The following SLC25A41 variants were observed in gnomAD, a reference collection of about 807,000 sequenced individuals.
The protein encoded by SLC25A41 is solute carrier family 25 member 41.
In SLC25A41, 35 loss-of-function variants were observed where a neutral mutation model predicts 34.7. That is an observed-to-expected ratio of 1.01 (90% CI 0.77 to 1.34). SLC25A41 has a LOEUF of 1.34. Among genes scored for constraint, SLC25A41 ranks in the 40% most tolerant of loss-of-function variants. The pLI, the probability that SLC25A41 is intolerant of heterozygous loss-of-function variation, is 0.00. For missense variants in SLC25A41, 492 were observed against 489.8 expected (o/e 1.00, Z -0.04); for synonymous variants, 190 against 209.9 (o/e 0.91, Z 0.82).
At chr19:6,432,466 A>C (rs976628497) in intron 1 of SLC25A41, among the ~76,000 whole-genome samples, 3 of 139,302 alleles carry the variant, frequency 2.2e-5, no homozygotes, top group Non-Finnish European at 3.0e-5. Context: ...ATGCACCACA[A>C]CACCTAATTT....
At chr19:6,429,481 AGGGGAG>A (rs2092273238) in intron 4 of SLC25A41, among the ~76,000 whole-genome samples, 8 of 14,722 alleles carry the variant, frequency 5.4e-4, no homozygotes, top group Non-Finnish European at 8.9e-4. Context: ...AGGAAAGAGG[AGGGGAG>A]GAGGAGGGAG....
upstream of SLC25A41, among the ~76,000 whole-genome samples, chr19:6,434,238 C>T (rs112031594): frequency 3.4e-3 from 514 of 152,240 alleles, 1 homozygote; most frequent in African/African-American, 0.012. Flanking sequence ...CCACTGCTTC[C>T]GGCCGCAAAA....
intron 4 of SLC25A41, among the ~76,000 whole-genome samples, chr19:6,429,348 AGAGGAGGGAGAAAGGAGGAGGGAGAAAG>A: frequency 8.9e-5 from 1 of 11,188 alleles, no homozygotes; most frequent in Non-Finnish European, 2.3e-4. Flanking sequence ...GGGAAGAGGG[AGAGGAGGGAGAAAGGAGGAGGGAGAAAG>A]GAAAGGAAGA....
intron 1 of SLC25A41, 73 bp downstream of exon 1, chr19:6,433,413 AG>A: frequency 6.9e-7 from 1 of 1,453,326 alleles, no homozygotes. Context: ...GGGCCTGTAG[AG>A]GGCGTGGGTA....
chr19:6,433,606 G>A lies in SLC25A41; in HGVS notation c.88C>T (p.Pro30Ser). 6.2e-7 allele frequency: 1 copy of A among 1,612,562 alleles called. No individual in the cohort carries two copies. ...GGAGGCGGAGGTTGGGGGGGAGGCG[G>A]GGCTTTGATGAGTAAGGTCTTGACC... ...RRVKTLLIKA[P>S]PPPQPPPPPP... The change falls in exon 1 of 7, where the codon CCG becomes TCG. Residue 30 changes from proline (P) to serine (S), a missense_variant. Transcript: ENST00000321510.
intron 1 of SLC25A41, among the ~76,000 whole-genome samples, 179 bp downstream of exon 1, chr19:6,433,308 C>T (rs1352719139): frequency 6.6e-6 from 1 of 152,154 alleles, no homozygotes; most frequent in Non-Finnish European, 1.5e-5. Flanking sequence ...CTCAACCTCC[C>T]AAAGTGCTGG....
upstream of SLC25A41, among the ~76,000 whole-genome samples, chr19:6,434,435 A>G (rs151219380): frequency 1.3e-3 from 199 of 152,312 alleles, no homozygotes; most frequent in African/African-American, 4.7e-3. Context: ...GCAAGAAGGC[A>G]TGGCAGGAAG....
At position 6,433,710 on chromosome 19, in the gene SLC25A41, C is replaced by A; in HGVS notation, c.-17G>T. The A allele has an allele frequency of 6.6e-7, 1 of 1,523,942 alleles. No homozygotes were observed. Among genetic ancestry groups the A allele is most frequent in the Non-Finnish European group, 8.8e-7 (1 of 1,131,614 alleles). 94.4% of individuals were successfully genotyped at this position (1,523,942 alleles called of 1,614,324 possible). A position where few individuals can be genotyped will look rare whatever the true frequency, so the allele number is the denominator to read the frequency against. Reference sequence around the variant, plus strand: ...AGCGCCCATGGAGGAAGTTAGGACACCTGGCTTCAAATCCCTAAGCAGTTG... The same window carrying A: ...AGCGCCCATGGAGGAAGTTAGGACAACTGGCTTCAAATCCCTAAGCAGTTG... On this transcript the variant is annotated 5_prime_UTR_variant, in exon 1 of 7. Coordinates refer to ENST00000321510, the MANE Select transcript of SLC25A41 (RefSeq NM_173637.4).
chr19:6,435,288 TC>T (rs1057266094), upstream of SLC25A41, among the ~76,000 whole-genome samples: 3 of 150,064 alleles, frequency 2.0e-5, no homozygotes, highest in African/African-American at 7.4e-5. Flanking sequence ...GGAAATGGTC[TC>T]ACTCTGTCAC....
At chr19:6,429,109 A>C (rs1198411161) in intron 4 of SLC25A41, among the ~76,000 whole-genome samples, 1 of 35,610 alleles carries the variant, frequency 2.8e-5, no homozygotes, top group African/African-American at 1.2e-4. Flanking sequence ...ATATATATAT[A>C]ATATATATAT....
At chr19:6,428,401 CA>C (rs764137246) in intron 4 of SLC25A41, among the ~76,000 whole-genome samples, 2,216 of 69,168 alleles carry the variant, frequency 0.032, 39 homozygotes, top group African/African-American at 0.1. Flanking sequence ...GTGAGACTCT[CA>C]AAAAAAAAAA....
intron 1 of SLC25A41, 55 bp from the exon 2 acceptor site, chr19:6,432,259 C>T: frequency 6.3e-6 from 10 of 1,579,548 alleles, no homozygotes; most frequent in Non-Finnish European, 8.6e-6. Flanking sequence ...GCACCTTCCC[C>T]AGACACACAT....
At position 6,427,192 on chromosome 19, in the gene SLC25A41, A is replaced by G. The variant is rs2092246011; in HGVS notation, c.851T>C (p.Val284Ala). Reference protein sequence around the residue: ...GRDMGDPSGLVSLSSVTLSTT... With the variant: ...GRDMGDPSGLASLSSVTLSTT... Reference sequence around the variant, plus strand: ...GGATAGCGTCACAGACGACAGACTGACCAGGCCACTGGGGTCCCCCATATC... The same window carrying G: ...GGATAGCGTCACAGACGACAGACTGGCCAGGCCACTGGGGTCCCCCATATC... The change falls in exon 6 of 7, where the codon GTC becomes GCC. Residue 284 changes from valine (V) to alanine (A), a missense_variant. Val to Ala is a moderately conservative substitution (Grantham distance 64). Coordinates refer to ENST00000321510, the MANE Select transcript of SLC25A41 (RefSeq NM_173637.4). The surrounding 1 kb of genome is among the most constrained non-coding windows in gnomAD (Gnocchi z 4.9). 2.5e-6 allele frequency: 4 copies of G among 1,612,440 alleles called. No individual in the cohort carries two copies. Among genetic ancestry groups the G allele is most frequent in the Non-Finnish European group, 2.5e-6 (3 of 1,179,762 alleles).
At position 6,433,513 on chromosome 19, in the gene SLC25A41, T is replaced by G. The variant is rs777534127; in HGVS notation, c.181A>C (p.Asn61His). The G allele has an allele frequency of 1.2e-6, 2 of 1,612,772 alleles. No homozygotes were observed. Among genetic ancestry groups the G allele is most frequent in the Non-Finnish European group, 8.5e-7 (1 of 1,179,776 alleles). The change falls in exon 1 of 7, where the codon AAC (asparagine) becomes CAC (histidine). Residue 61 changes from asparagine (N) to histidine (H), a missense_variant. Transcript: ENST00000321510. ...GYAFGHMHDN[N>H]LEHLPSQQVL... ...TGCTGTGACGGGAGATGTTCAAGGT[T>G]GTTGTCATGCATGTGGCCAAACGCG...
chr19:6,433,037 A>T (rs943852849), intron 1 of SLC25A41, among the ~76,000 whole-genome samples: 1 of 151,840 alleles, frequency 6.6e-6, no homozygotes, highest in Non-Finnish European at 1.5e-5. Context: ...TTAGGACTAT[A>T]TCTAGACTCT....
chr19:6,433,463 G>A, intron 1 of SLC25A41, 24 bp downstream of exon 1: 2 of 1,609,622 alleles, frequency 1.2e-6, no homozygotes, highest in South Asian at 2.2e-5. Context: ...GAGGTGCCGG[G>A]ACACTGGTGT....
At chr19:6,429,336 G>A (rs2092269915) in intron 4 of SLC25A41, among the ~76,000 whole-genome samples, 1 of 32,216 alleles carries the variant, frequency 3.1e-5, no homozygotes, top group African/African-American at 9.0e-5. Context: ...AAGAGGTAAA[G>A]GGGGAAGAGG....
At position 6,429,836 on chromosome 19, in the gene SLC25A41, GA is replaced by G; in HGVS notation, c.517-6del. On this transcript the variant is annotated splice_region_variant and splice_polypyrimidine_tract_variant and intron_variant, in intron 3 of 6. Coordinates refer to ENST00000321510, the MANE Select transcript of SLC25A41 (RefSeq NM_173637.4). ...TCCACAGAAGTAATTCTTGCACTGG[GA>G]GAGGAGAGAGGAGGGTGAGAGAGAA... 1.2e-6 allele frequency: 2 copies of G among 1,610,374 alleles called. No homozygotes were observed. The highest frequency in any genetic ancestry group is 2.2e-5 in the South Asian group (2 of 90,880).
chr19:6,429,604 G>A (rs2092275160), intron 4 of SLC25A41, 120 bp downstream of exon 4: 1 of 636,420 alleles, frequency 1.6e-6, no homozygotes, highest in African/African-American at 2.0e-5. Flanking sequence ...GGAGGGAGAA[G>A]TGTGAGAAAA....
Sources: allele counts gnomAD v4.1 joint callset (sites outside exome capture counted in the v4.1 genomes callset), GRCh38; gene constraint gnomAD v4.1.1; non-coding constraint Gnocchi (gnomAD v3.1); transcripts MANE v1.5; gene names NCBI Gene and HGNC (gene_info 2026-07-23, HGNC 2026-07-21).